NME7: variants seen among roughly 807,000 people sequenced by gnomAD.
NME7 encodes nucleoside diphosphate kinase 7.
NME7 carries 41 observed loss-of-function variants against 49.1 expected under a neutral mutation model. That is an observed-to-expected ratio of 0.83 (90% CI 0.65 to 1.08). The LOEUF (loss-of-function observed/expected upper bound fraction) is 1.08, where lower values mean the gene tolerates loss of function less well. NME7 is among the 50% of genes least tolerant of loss of function. The pLI, the probability that NME7 is intolerant of heterozygous loss-of-function variation, is 0.00. For synonymous variants in NME7, 139 were observed against 150.6 expected (o/e 0.92, Z 0.56); for missense variants, 423 against 463.4 (o/e 0.91, Z 0.80).
intron 11 of NME7, among the ~76,000 whole-genome samples, chr1:169,146,378 C>T (rs1658749396): frequency 6.6e-6 from 1 of 152,000 alleles, no homozygotes; most frequent in Admixed American, 6.6e-5. Context: ...ATAAATTAAG[C>T]AAAAATGAAT....
intron 10 of NME7, among the ~76,000 whole-genome samples, chr1:169,216,796 G>A (rs1359437429): frequency 2.6e-5 from 4 of 152,160 alleles, no homozygotes; most frequent in African/African-American, 4.8e-5. Flanking sequence ...TGAAGAATCC[G>A]CTACAGAATT....
intron 1 of NME7, among the ~76,000 whole-genome samples, chr1:169,326,622 C>G (rs1652068586): frequency 6.6e-6 from 1 of 152,212 alleles, no homozygotes; most frequent in Admixed American, 6.5e-5. Context: ...AACTCCCAAG[C>G]TAGTGCTGTT....
chr1:169,235,089 C>T (rs2101825299), intron 9 of NME7, 42 bp downstream of exon 9: 1 of 1,161,528 alleles, frequency 8.6e-7, no homozygotes, highest in Non-Finnish European at 1.2e-6. Context: ...CTATACTTTT[C>T]ACTTAACAGT....
intron 7 of NME7, among the ~76,000 whole-genome samples, chr1:169,278,103 T>C (rs1240089769): frequency 6.6e-6 from 1 of 151,558 alleles, no homozygotes; most frequent in Non-Finnish European, 1.5e-5. Context: ...GACCTTTCTC[T>C]CTGGCTGCCC....
In NME7 at chr1:169,367,762, C is replaced by G. The variant is rs1201217346; in HGVS notation, c.-52G>C. The G allele has an allele frequency of 1.3e-6, 2 of 1,591,122 alleles. No homozygotes were observed. Among genetic ancestry groups the G allele is most frequent in the East Asian group, 4.5e-5 (2 of 44,664 alleles). ...TAGGTATCGTTGAGACAGGAAGACA[C>G]CACCACCACCACCATCATACGGTTA... On this transcript the variant is annotated 5_prime_UTR_variant, in exon 1 of 12. Coordinates refer to ENST00000367811, the MANE Select transcript of NME7 (RefSeq NM_013330.5).
intron 10 of NME7, among the ~76,000 whole-genome samples, chr1:169,178,348 C>T (rs1388711889): frequency 1.3e-5 from 2 of 152,248 alleles, no homozygotes; most frequent in East Asian, 3.9e-4. Context: ...GAAGACAGGA[C>T]AAAGCAGAAG....
At position 169,252,412 on chromosome 1, in the gene NME7, G is replaced by GT. The variant is rs1571327811; in HGVS notation, c.755-14726dup. On this transcript the variant is annotated intron_variant, in intron 7 of 11. Transcript: ENST00000367811. ...CACCCACTTTTTGATGGGGTTGTTT[G>GT]TTTTTTTCTTAAAAATTTGTTTGAG... Among the ~76,000 whole-genome samples the GT allele has an allele frequency of 2.0e-5, 3 of 151,972 alleles. No individual in the cohort carries two copies. In the East Asian group the frequency reaches 5.8e-4, roughly 29 times the overall value.
At chr1:169,310,118 A>T in intron 3 of NME7, 38 bp from the exon 4 acceptor site, 1 of 1,225,948 alleles carries the variant, frequency 8.2e-7, no homozygotes, top group Non-Finnish European at 1.2e-6. Flanking sequence ...AAATAAAAAT[A>T]GTTCAACAGT....
chr1:169,347,655 C>T (rs1008525992), intron 1 of NME7, among the ~76,000 whole-genome samples: 1 of 152,154 alleles, frequency 6.6e-6, no homozygotes, highest in East Asian at 1.9e-4. Flanking sequence ...GAGCCAATGG[C>T]ATAGACGAGC....
At chr1:169,254,307 G>C (rs6685556) in intron 7 of NME7, among the ~76,000 whole-genome samples, 1 of 151,788 alleles carries the variant, frequency 6.6e-6, no homozygotes, top group Non-Finnish European at 1.5e-5. Flanking sequence ...TGTATGTGTC[G>C]AGGAATTTAT....
chr1:169,356,938 G>GT (rs1557838591), intron 1 of NME7, among the ~76,000 whole-genome samples: 3 of 152,156 alleles, frequency 2.0e-5, no homozygotes. Context: ...AACTAATCTT[G>GT]TTTTTAATTA....
intron 7 of NME7, among the ~76,000 whole-genome samples, chr1:169,252,769 T>G (rs1648692101): frequency 6.7e-6 from 1 of 148,236 alleles, no homozygotes; most frequent in Non-Finnish European, 1.5e-5. Context: ...CAGTTTCAGC[T>G]TTCTACATAT....
chr1:169,153,898 T>C (rs561654357), intron 11 of NME7, among the ~76,000 whole-genome samples: 1 of 151,688 alleles, frequency 6.6e-6, no homozygotes, highest in South Asian at 2.1e-4. Flanking sequence ...TGTAGAGACA[T>C]CTCCCTCTGT....
At position 169,132,937 on chromosome 1, in the gene NME7, A is replaced by G; in HGVS notation, c.1099-120T>C. 3 of 634,318 alleles carry G rather than the reference A, an allele frequency of 4.7e-6. No homozygotes were observed. In the South Asian group the frequency reaches 6.4e-5, roughly 13 times the overall value. 39.3% of individuals were successfully genotyped at this position (634,318 alleles called of 1,614,324 possible). A position where few individuals can be genotyped will look rare whatever the true frequency, so the allele number is the denominator to read the frequency against. On this transcript the variant is annotated intron_variant, in intron 11 of 11. Transcript: ENST00000367811. Reference sequence around the variant, plus strand: ...GGCATACCCCTTCCCAAAGACACTAAAAGTTAATCAATCAATCAGAGGCAG... The same window carrying G: ...GGCATACCCCTTCCCAAAGACACTAGAAGTTAATCAATCAATCAGAGGCAG...
At chr1:169,135,014 CAAAAAA>C (rs58463903) in intron 11 of NME7, among the ~76,000 whole-genome samples, 14 of 50,390 alleles carry the variant, frequency 2.8e-4, no homozygotes, top group East Asian at 2.7e-3. Flanking sequence ...CCCGTCTCTA[CAAAAAA>C]AAAAAAAAAA....
intron 11 of NME7, among the ~76,000 whole-genome samples, chr1:169,162,033 T>C (rs1571254520): frequency 6.6e-6 from 1 of 152,290 alleles, no homozygotes; most frequent in East Asian, 1.9e-4. Flanking sequence ...CAACTGATCC[T>C]GTGGCCCCAC....
chr1:169,191,522 G>C (rs1455299159), intron 10 of NME7, among the ~76,000 whole-genome samples: 1 of 152,140 alleles, frequency 6.6e-6, no homozygotes, highest in Non-Finnish European at 1.5e-5. Context: ...AGAAAAGTTA[G>C]AAAAAGTTTG....
intron 1 of NME7, among the ~76,000 whole-genome samples, chr1:169,335,784 G>T (rs1015776090): frequency 3.4e-4 from 50 of 145,392 alleles, no homozygotes; most frequent in African/African-American, 1.2e-3. Context: ...ATATGTTTCA[G>T]AAGAGATATA....
intron 11 of NME7, among the ~76,000 whole-genome samples, chr1:169,147,897 G>A (rs1212923097): frequency 6.6e-6 from 1 of 152,114 alleles, no homozygotes; most frequent in Middle Eastern, 3.2e-3. Flanking sequence ...TATAGCGATT[G>A]TTATAACTTC....
Sources: gnomAD v4.1 joint callset for allele counts (sites outside exome capture counted in the v4.1 genomes callset) on GRCh38, gnomAD v4.1.1 for gene constraint, MANE v1.5 for transcripts, NCBI Gene and HGNC (gene_info 2026-07-23, HGNC 2026-07-21) for gene names.